C6orf132: variants seen among roughly 807,000 people sequenced by gnomAD.
C6orf132 encodes the protein uncharacterized protein C6orf132.
A neutral mutation model predicts 65.3 loss-of-function variants in C6orf132; 43 were observed. That is an observed-to-expected ratio of 0.66 (90% confidence interval 0.52 to 0.85). The LOEUF (loss-of-function observed/expected upper bound fraction) is 0.85. Ranked by LOEUF, C6orf132 falls within the 40% of genes least tolerant of loss-of-function variation. The pLI, the probability that C6orf132 is intolerant of heterozygous loss-of-function variation, is 0.00. For missense variants in C6orf132, 1,488 were observed against 1,548.8 expected (o/e 0.96, Z 0.66); for synonymous variants, 631 against 654.1 (o/e 0.96, Z 0.54).
chr6:42,123,445 A>G (rs1766718257), intron 2 of C6orf132, among the ~76,000 whole-genome samples: 1 of 44,410 alleles, frequency 2.3e-5, no homozygotes, highest in African/African-American at 1.3e-4. Flanking sequence ...GAAGGAGAAG[A>G]AGGAGAAGAA....
chr6:42,104,336 C>T lies in C6orf132; in HGVS notation c.3449+127G>A, dbSNP rs1040833116. ...TCCCGGTAAGTGGGCCTCCCTCCCGCGTTCTACCTGCAAGGCCGAAGGGAG... is the reference window on the plus strand; with the variant it reads ...TCCCGGTAAGTGGGCCTCCCTCCCGTGTTCTACCTGCAAGGCCGAAGGGAG... On this transcript the variant is annotated intron_variant, in intron 4 of 4. Transcript: ENST00000341865. This position sits in a 1 kb window ranked among gnomAD's most constrained non-coding sequence, Gnocchi z 4.1. The T allele has an allele frequency of 4.1e-6, 5 of 1,220,532 alleles. No homozygotes were observed. The highest frequency in any genetic ancestry group is 5.1e-6 in the Non-Finnish European group (5 of 980,362). 75.6% of individuals were successfully genotyped at this position (1,220,532 alleles called of 1,614,324 possible). A position where few individuals can be genotyped will look rare whatever the true frequency, so the allele number is the denominator to read the frequency against.
intron 1 of C6orf132, among the ~76,000 whole-genome samples, chr6:42,138,874 C>CACACACACACACACAA (rs1766992347): frequency 6.6e-6 from 1 of 151,952 alleles, no homozygotes; most frequent in Non-Finnish European, 1.5e-5. Context: ...CACACACACA[C>CACACACACACACACAA]ACACACACTC....
At position 42,104,710 on chromosome 6, in the gene C6orf132, C is replaced by A; in HGVS notation, c.3202G>T (p.Val1068Phe). ...CCTGGGCCTCGGTGCGGCTCCCCGA[C>A]GTACAGGCGCTTCTTTATGAGCGAG... is the stretch of plus-strand genomic sequence containing the variant. ...GRSLIKKRLY[V>F]GEPHRGPGLP... Residue 1068 changes from valine to phenylalanine, a missense_variant, in exon 4 of 5, where the codon GTC (valine) becomes TTC (phenylalanine). Physicochemically the swap from Val to Phe is conservative, Grantham distance 50 (BLOSUM62 -1). Transcript: ENST00000341865. This position sits in a 1 kb window ranked among gnomAD's most constrained non-coding sequence, Gnocchi z 4.1. 6.6e-7 allele frequency: 1 copy of A among 1,522,114 alleles called. No homozygotes were observed. Among genetic ancestry groups the A allele is most frequent in the Non-Finnish European group, 8.8e-7 (1 of 1,141,180 alleles). The allele number at this position is 1,522,114 out of a possible 1,614,324, so 94.3% of individuals were successfully genotyped here.
chr6:42,140,824 T>G (rs1767018794), intron 1 of C6orf132, among the ~76,000 whole-genome samples: 1 of 152,210 alleles, frequency 6.6e-6, no homozygotes, highest in Non-Finnish European at 1.5e-5. Flanking sequence ...ATCTTGCACC[T>G]AAGAAGGGAT....
chr6:42,105,235 T>C lies in C6orf132; in HGVS notation c.2677A>G (p.Thr893Ala), dbSNP rs1417469598. The C allele has an allele frequency of 5.2e-6, 8 of 1,537,068 alleles. No individual in the cohort carries two copies. The highest frequency in any genetic ancestry group is 6.1e-6 in the Non-Finnish European group (7 of 1,146,840). The change falls in exon 4 of 5, where the codon ACT becomes GCT. Residue 893 changes from threonine (T) to alanine (A), a missense_variant. Physicochemically the swap from Thr to Ala is moderately conservative, Grantham distance 58. Transcript: ENST00000341865. ...TCCTTGGGTAACTTGGGCACCACAG[T>C]GAAGGAGTTGGGCGTGCCCTGGCTG... ...FHSQGTPNSF[T>A]VVPKLPKEAE...
intron 2 of C6orf132, among the ~76,000 whole-genome samples, chr6:42,114,924 T>G (rs1292406323): frequency 6.6e-6 from 1 of 150,864 alleles, no homozygotes; most frequent in Non-Finnish European, 1.5e-5. Flanking sequence ...GAGAATTGCT[T>G]GAACCCAGGA....
intron 2 of C6orf132, among the ~76,000 whole-genome samples, chr6:42,127,570 A>G (rs1334601588): frequency 1.3e-5 from 2 of 152,312 alleles, no homozygotes; most frequent in Non-Finnish European, 2.9e-5. Flanking sequence ...CATGAAGTCT[A>G]ACAGGCCCCT....
Position 42,106,904 on chromosome 6 carries a change from G to T in C6orf132, c.1008C>A (p.Ser336Arg), listed in dbSNP as rs914441686. 7 of 1,536,022 alleles carry T rather than the reference G, an allele frequency of 4.6e-6. No individual in the cohort carries two copies. The African/African-American group carries it at 8.2e-5, about 18-fold the overall frequency. Reference sequence around the variant, plus strand: ...GGAAGCTGGGAGGCAGTGGGAGTCGGCTGGGAGCCTTCTTGGTGGCCCCCT... The same window carrying T: ...GGAAGCTGGGAGGCAGTGGGAGTCGTCTGGGAGCCTTCTTGGTGGCCCCCT... ...KEEGATKKAP[S>R]RLPLPPSFHI... The change falls in exon 4 of 5, where the codon AGC becomes AGA. Residue 336 changes from serine (S) to arginine (R), a missense_variant. By Grantham distance (110) the Ser-to-Arg change is moderately radical (BLOSUM62 -1). Transcript: ENST00000341865.
intron 1 of C6orf132, among the ~76,000 whole-genome samples, chr6:42,130,781 A>AT (rs1385520422): frequency 6.7e-6 from 1 of 149,328 alleles, no homozygotes; most frequent in Non-Finnish European, 1.5e-5. Flanking sequence ...TTTTATCTTT[A>AT]TTTTTTTTGA....
intron 3 of C6orf132, among the ~76,000 whole-genome samples, chr6:42,108,106 A>G (rs1420830258): frequency 6.6e-6 from 1 of 151,624 alleles, no homozygotes; most frequent in Non-Finnish European, 1.5e-5. Context: ...CCTTTACTCA[A>G]CTCTCTTCAG....
At chr6:42,112,383 G>A (rs992083462) in intron 2 of C6orf132, among the ~76,000 whole-genome samples, 1 of 152,198 alleles carries the variant, frequency 6.6e-6, no homozygotes, top group Admixed American at 6.5e-5. Flanking sequence ...CAGGGGTAGG[G>A]GATAAGAGCA....
In C6orf132 at chr6:42,106,956, T is replaced by C; in HGVS notation, c.956A>G (p.Glu319Gly). ...TTCCTTTCGGGGAGCCTCTTGTGCT[T>C]CCTGAACTGGGATGGACGAAGTCCT... ...PVRTSSIPVQEAQEAPRKEEG... is the reference protein window; with the variant it reads ...PVRTSSIPVQGAQEAPRKEEG... The change falls in exon 4 of 5, where the codon GAA becomes GGA. Residue 319 changes from glutamate (E) to glycine (G), a missense_variant. Coordinates refer to ENST00000341865, the MANE Select transcript of C6orf132 (RefSeq NM_001164446.3). 3 of 1,535,500 alleles carry C rather than the reference T, an allele frequency of 2.0e-6. No homozygotes were observed. Among genetic ancestry groups the C allele is most frequent in the Non-Finnish European group, 2.6e-6 (3 of 1,146,362 alleles).
chr6:42,106,803 G>A lies in C6orf132; in HGVS notation c.1109C>T (p.Ala370Val), dbSNP rs934912851. The change falls in exon 4 of 5, where the codon GCA becomes GTA. Residue 370 changes from alanine (A) to valine (V), a missense_variant. Transcript: ENST00000341865. ...CTGGCCAAGCCTTGGGCTGGCTGGT[G>A]CTGTGGCCTTGAGCTCCCCAGGGCA... is the stretch of plus-strand genomic sequence containing the variant. Reference protein sequence around the residue: ...PDCPGELKATAPASPRLGQSQ... With the variant: ...PDCPGELKATVPASPRLGQSQ... The A allele has an allele frequency of 2.0e-6, 3 of 1,534,980 alleles. No individual in the cohort carries two copies. The highest frequency in any genetic ancestry group is 1.7e-6 in the Non-Finnish European group (2 of 1,146,834).
At chr6:42,135,950 G>A (rs1229666181) in intron 1 of C6orf132, among the ~76,000 whole-genome samples, 1 of 152,072 alleles carries the variant, frequency 6.6e-6, no homozygotes, top group Non-Finnish European at 1.5e-5. Flanking sequence ...GGCAGGGAAG[G>A]AATGTAGGGA....
chr6:42,102,179 C>G lies in C6orf132; in HGVS notation c.*1582G>C, dbSNP rs939475496. ...CAAGCATAAACCTGGACTGCCCAGG[C>G]AAAGGACACGTGGTCACCCTACTGA... On this transcript the variant is annotated 3_prime_UTR_variant, in exon 5 of 5. Coordinates refer to ENST00000341865, the MANE Select transcript of C6orf132 (RefSeq NM_001164446.3). 2 of 150,448 alleles carry G rather than the reference C, an allele frequency of 1.3e-5. No homozygotes were observed. Among genetic ancestry groups the G allele is most frequent in the Non-Finnish European group, 2.9e-5 (2 of 67,950 alleles). The allele number at this position is 150,448 out of a possible 1,614,324, so 9.3% of individuals were successfully genotyped here.
intron 1 of C6orf132, 141 bp from the exon 2 acceptor site, chr6:42,128,919 A>C: frequency 1.6e-6 from 1 of 630,632 alleles, no homozygotes; most frequent in East Asian, 2.8e-5. Context: ...AAGCGCCTCT[A>C]ACATAATCAG....
intron 2 of C6orf132, among the ~76,000 whole-genome samples, chr6:42,111,912 G>A (rs966088791): frequency 2.6e-5 from 4 of 152,076 alleles, no homozygotes; most frequent in Non-Finnish European, 5.9e-5. Flanking sequence ...GAGCATTTTA[G>A]GGTAGTTTTC....
In C6orf132 at chr6:42,142,286, C is replaced by T. The variant is rs1353103134; in HGVS notation, c.145+14G>A. ...CGTCCCCGCCCCAGCGCCCTCCGTC[C>T]CCGGAGTACTCACCGAAGCCCCCGG... On this transcript the variant is annotated intron_variant, in intron 1 of 4. Coordinates refer to ENST00000341865, the MANE Select transcript of C6orf132 (RefSeq NM_001164446.3). The T allele has an allele frequency of 6.5e-7, 1 of 1,548,312 alleles. No individual in the cohort carries two copies. The highest frequency in any genetic ancestry group is 1.4e-5 in the African/African-American group (1 of 72,896).
chr6:42,136,249 G>A (rs1766940125), intron 1 of C6orf132, among the ~76,000 whole-genome samples: 1 of 151,602 alleles, frequency 6.6e-6, no homozygotes, highest in Non-Finnish European at 1.5e-5. Context: ...TATAATACCT[G>A]AGGACACTGA....
Sources: gnomAD v4.1 joint callset for allele counts (sites outside exome capture counted in the v4.1 genomes callset) on GRCh38, gnomAD v4.1.1 for gene constraint, Gnocchi (gnomAD v3.1) non-coding constraint, MANE v1.5 for transcripts, NCBI Gene and HGNC (gene_info 2026-07-23, HGNC 2026-07-21) for gene names.